CCNJ: variants seen among roughly 807,000 people sequenced by gnomAD.
The protein encoded by CCNJ is cyclin-J.
In CCNJ, 12 loss-of-function variants were observed where a neutral mutation model predicts 41.4. That is an observed-to-expected ratio of 0.29 (90% CI 0.19 to 0.47). The LOEUF (loss-of-function observed/expected upper bound fraction) is 0.47. CCNJ is among the 20% of genes least tolerant of loss of function. The pLI is 1.00. For missense variants in CCNJ, 340 were observed against 464.6 expected, an observed-to-expected ratio of 0.73 and a Z score of 2.47; for synonymous variants, 161 against 173.4, an observed-to-expected ratio of 0.93 and a Z score of 0.56.
At chr10:96,050,671 C>G (rs1351338493) in intron 3 of CCNJ, among the ~76,000 whole-genome samples, 1 of 152,138 alleles carries the variant, frequency 6.6e-6, no homozygotes, top group Non-Finnish European at 1.5e-5. Context: ...AAAACATGTG[C>G]CTAAGCCGTA....
At chr10:96,050,777 T>C (rs1409372982) in intron 3 of CCNJ, among the ~76,000 whole-genome samples, 2 of 152,246 alleles carry the variant, frequency 1.3e-5, no homozygotes, top group East Asian at 3.8e-4. Flanking sequence ...GTGATTTTGA[T>C]TTACCTTTCC....
chr10:96,057,145 C>T lies in CCNJ; in HGVS notation c.638C>T (p.Ser213Leu), dbSNP rs2080716976. 1.2e-6 allele frequency: 2 copies of T among 1,613,972 alleles called. No homozygotes were observed. The highest frequency in any genetic ancestry group is 8.5e-7 in the Non-Finnish European group (1 of 1,179,848). The change falls in exon 5 of 6, where the codon TCG becomes TTG. Residue 213 changes from serine (S) to leucine (L), a missense_variant. Physicochemically the swap from Ser to Leu is moderately radical, Grantham distance 145. Transcript: ENST00000465148. ...GTAGCTGCTGCATGTGTGGCTTCTT[C>T]GAGGATTATACTTCGTCTTTCTCCA... ...SLVAAACVAS[S>L]RIILRLSPTW...
chr10:96,055,036 C>T (rs959316786), intron 3 of CCNJ, among the ~76,000 whole-genome samples: 5 of 152,124 alleles, frequency 3.3e-5, no homozygotes, highest in Non-Finnish European at 5.9e-5. Flanking sequence ...CACTGGTTCC[C>T]TCTTCTTTTT....
At position 96,043,808 on chromosome 10, in the gene CCNJ, G is replaced by A. The variant is rs532722105; in HGVS notation, c.-42+89G>A. The A allele has an allele frequency of 1.0e-5, 4 of 385,624 alleles. No individual in the cohort carries two copies. In the Admixed American group the frequency reaches 1.8e-4, roughly 17 times the overall value. The allele number at this position is 385,624 out of a possible 1,614,324, so 23.9% of individuals were successfully genotyped here. A position where few individuals can be genotyped will look rare whatever the true frequency, so the allele number is the denominator to read the frequency against. ...CCTCCCGGGGTGAGGCGCAGAGCCT[G>A]GCTGGCCCGGCCTTTTGTTCCCCTT... On this transcript the variant is annotated intron_variant, in intron 1 of 5. Coordinates refer to ENST00000465148, the MANE Select transcript of CCNJ (RefSeq NM_001134375.2).
At chr10:96,052,585 G>A (rs796470151) in intron 3 of CCNJ, among the ~76,000 whole-genome samples, 11 of 152,262 alleles carry the variant, frequency 7.2e-5, no homozygotes, top group African/African-American at 2.6e-4. Context: ...GTGTATTTCT[G>A]TTAGTTTAAG....
chr10:96,043,869 C>T (rs1348516892), intron 1 of CCNJ, 150 bp downstream of exon 1: 9 of 381,408 alleles, frequency 2.4e-5, no homozygotes, highest in African/African-American at 1.9e-4. Context: ...TCTCGGGGCT[C>T]CCGGGGAGGA....
chr10:96,052,323 T>C (rs2080552085), intron 3 of CCNJ, among the ~76,000 whole-genome samples: 1 of 152,236 alleles, frequency 6.6e-6, no homozygotes, highest in Admixed American at 6.5e-5. Flanking sequence ...TTTGTTATTG[T>C]ACAGAATGTT....
intron 2 of CCNJ, among the ~76,000 whole-genome samples, chr10:96,046,433 C>A (rs779040310): frequency 6.6e-6 from 1 of 152,164 alleles, no homozygotes; most frequent in Non-Finnish European, 1.5e-5. Context: ...CTAGAAAAGA[C>A]GTGGTAATTC....
At position 96,050,336 on chromosome 10, in the gene CCNJ, G is replaced by A; in HGVS notation, c.150G>A (p.Val50=). Residue 50 remains valine (V), a synonymous_variant, in exon 3 of 6, where the codon GTG becomes GTA. Transcript: ENST00000465148. ...ATTTTGCTGACTTGATTGCCATTGT[G>A]AGCAATCGCTTCACACTCTGCCCTT... ...RRYFADLIAI[V]SNRFTLCPSA... 1 of 1,613,944 alleles carries A rather than the reference G, an allele frequency of 6.2e-7. No homozygotes were observed. Among genetic ancestry groups the A allele is most frequent in the South Asian group, 1.1e-5 (1 of 91,078 alleles).
Position 96,057,258 on chromosome 10 carries a change from T to G in CCNJ, c.740+11T>G, listed in dbSNP as rs1156801876. 4 of 1,610,458 alleles carry G rather than the reference T, an allele frequency of 2.5e-6. No homozygotes were observed. Among genetic ancestry groups the G allele is most frequent in the Non-Finnish European group, 3.4e-6 (4 of 1,177,376 alleles). On this transcript the variant is annotated intron_variant, in intron 5 of 5. Transcript: ENST00000465148. ...TGAACGACTGTTGATGTAAGCCTTTTTATTCTTGTGTTTGTACTTTCTCAT... is the reference window on the plus strand; with the variant it reads ...TGAACGACTGTTGATGTAAGCCTTTGTATTCTTGTGTTTGTACTTTCTCAT...
At chr10:96,049,903 C>T (rs796882248) in intron 2 of CCNJ, among the ~76,000 whole-genome samples, 4 of 151,938 alleles carry the variant, frequency 2.6e-5, no homozygotes, top group Admixed American at 6.6e-5. Flanking sequence ...GGTGTAGGGG[C>T]GTGTGTGTGG....
At chr10:96,045,902 T>C (rs765757799) in intron 2 of CCNJ, among the ~76,000 whole-genome samples, 2 of 152,206 alleles carry the variant, frequency 1.3e-5, no homozygotes, top group Non-Finnish European at 2.9e-5. Context: ...CCTAAAGTGC[T>C]GGGATTACAG....
At chr10:96,055,971 A>AT (rs1564706593) in intron 3 of CCNJ, among the ~76,000 whole-genome samples, 1 of 152,152 alleles carries the variant, frequency 6.6e-6, no homozygotes, top group East Asian at 1.9e-4. Context: ...GAGCTTAACT[A>AT]TTTTTTATTT....
intron 3 of CCNJ, among the ~76,000 whole-genome samples, chr10:96,052,428 G>T (rs1483361102): frequency 6.6e-6 from 1 of 152,194 alleles, no homozygotes; most frequent in Non-Finnish European, 1.5e-5. Flanking sequence ...GAAAGTAACT[G>T]TGTGGCTATC....
In CCNJ at chr10:96,057,971, A is replaced by G. The variant is rs1392928787; in HGVS notation, c.882A>G (p.Thr294=). The G allele has an allele frequency of 5.6e-6, 9 of 1,614,154 alleles. No homozygotes were observed. Among genetic ancestry groups the G allele is most frequent in the Non-Finnish European group, 7.6e-6 (9 of 1,180,008 alleles). The change falls in exon 6 of 6, where the codon ACA becomes ACG. Residue 294 remains threonine (T), a synonymous_variant. Transcript: ENST00000465148. ...HFQQPQYLHQ[T]HQTSLQYRHP... ...AGCAACCTCAGTATCTCCATCAGAC[A>G]CATCAGACCTCACTGCAGTATCGCC...
rs750280363 is a variant in CCNJ, at chr10:96,057,181, C to G, written c.674C>G (p.Thr225Arg). 1.2e-6 allele frequency: 2 copies of G among 1,613,730 alleles called. No individual in the cohort carries two copies. Among genetic ancestry groups the G allele is most frequent in the East Asian group, 4.5e-5 (2 of 44,898 alleles). The change falls in exon 5 of 6, where the codon ACA (threonine) becomes AGA (arginine). Residue 225 changes from threonine (T) to arginine (R), a missense_variant. By Grantham distance (71) the Thr-to-Arg change is moderately conservative. This residue lies in a region of CCNJ where 137 missense variants were observed against 252.9 expected (regional missense o/e 0.54). Transcript: ENST00000465148. ...IILRLSPTWP[T>R]RLHRLTAYSW... Reference sequence around the variant, plus strand: ...CTTCGTCTTTCTCCAACGTGGCCTACAAGACTACATCGTCTTACTGCCTAC... The same window carrying G: ...CTTCGTCTTTCTCCAACGTGGCCTAGAAGACTACATCGTCTTACTGCCTAC...
In CCNJ at chr10:96,060,237, A is replaced by C. The variant is rs1260916479; in HGVS notation, c.*1996A>C. The C allele has an allele frequency of 6.6e-6, 1 of 152,636 alleles. No individual in the cohort carries two copies. The highest frequency in any genetic ancestry group is 2.4e-5 in the African/African-American group (1 of 41,444). The allele number at this position is 152,636 out of a possible 1,614,324, so 9.5% of individuals were successfully genotyped here. A position where few individuals can be genotyped will look rare whatever the true frequency, so the allele number is the denominator to read the frequency against. On this transcript the variant is annotated 3_prime_UTR_variant, in exon 6 of 6. Transcript: ENST00000465148. ...ACTACCTCAATAATGCTATGAATGT[A>C]AGATATTGGGATAGAGATCCCAACT... is the stretch of plus-strand genomic sequence containing the variant.
At chr10:96,053,542 A>G (rs1266079682) in intron 3 of CCNJ, among the ~76,000 whole-genome samples, 1 of 152,120 alleles carries the variant, frequency 6.6e-6, no homozygotes, top group East Asian at 1.9e-4. Context: ...ACTCTTTCAC[A>G]TGTATGCCCT....
chr10:96,044,490 CCTT>C lies in CCNJ; in HGVS notation c.69+31_69+33del, dbSNP rs765922506. 22 of 1,454,878 alleles carry C rather than the reference CCTT, an allele frequency of 1.5e-5. No homozygotes were observed. In the African/African-American group the frequency reaches 1.9e-4, roughly 12 times the overall value. 90.1% of individuals were successfully genotyped at this position (1,454,878 alleles called of 1,614,324 possible). A position where few individuals can be genotyped will look rare whatever the true frequency, so the allele number is the denominator to read the frequency against. ...AACTCCGAGGCCCGGCCTGCCTTCT[CCTT>C]CTGTGTGTCGCGCCAGTTGTTCTGA... On this transcript the variant is annotated intron_variant, in intron 2 of 5. Transcript: ENST00000465148.
Sources: allele counts gnomAD v4.1 joint callset (sites outside exome capture counted in the v4.1 genomes callset), GRCh38; gene constraint gnomAD v4.1.1; regional missense constraint gnomAD v4.1.1; transcripts MANE v1.5; gene names NCBI Gene and HGNC (gene_info 2026-07-23, HGNC 2026-07-21).